Variants in SSR2 observed in about 807,000 individuals in gnomAD.
SSR2 encodes translocon-associated protein subunit beta.
A neutral mutation model predicts 22.6 loss-of-function variants in SSR2; 16 were observed. The observed-to-expected ratio is 0.71, with a 90% CI of 0.48 to 1.08. The LOEUF (loss-of-function observed/expected upper bound fraction) is 1.08, where lower values mean the gene tolerates loss of function less well. SSR2 is among the 50% of genes least tolerant of loss of function. The pLI, the probability that SSR2 is intolerant of heterozygous loss-of-function variation, is 0.00. For synonymous variants in SSR2, 83 were observed against 91.2 expected, an observed-to-expected ratio of 0.91 and a Z score of 0.51; for missense variants, 171 against 221.6, an observed-to-expected ratio of 0.77 and a Z score of 1.45.
At chr1:156,019,453 C>T (rs1439977184) in intron 2 of SSR2, among the ~76,000 whole-genome samples, 23 of 152,158 alleles carry the variant, frequency 1.5e-4, no homozygotes, top group African/African-American at 4.3e-4. Context: ...GCGCAATCTC[C>T]GGCTCACTGC....
intron 3 of SSR2, among the ~76,000 whole-genome samples, chr1:156,017,463 C>T (rs1683074043): frequency 6.6e-6 from 1 of 152,130 alleles, no homozygotes; most frequent in African/African-American, 2.4e-5. Context: ...GATTCTCCTA[C>T]CTCAGCCTCC....
Position 156,020,947 on chromosome 1 carries a change from G to C in SSR2, c.-60C>G, listed in dbSNP as rs1434650565. 1 of 471,340 alleles carries C rather than the reference G, an allele frequency of 2.1e-6. No homozygotes were observed. The highest frequency in any genetic ancestry group is 4.4e-6 in the Non-Finnish European group (1 of 227,052). The allele number at this position is 471,340 out of a possible 1,614,324, so 29.2% of individuals were successfully genotyped here. On this transcript the variant is annotated 5_prime_UTR_variant, in exon 1 of 6. Transcript: ENST00000295702. ...AGACAGGAAGAGAGCGTCAGCATCC[G>C]AAAGACCGGAAATAAGCACTGGCCG... is the stretch of plus-strand genomic sequence containing the variant.
intron 3 of SSR2, among the ~76,000 whole-genome samples, chr1:156,016,468 C>T (rs1320447867): frequency 2.0e-5 from 3 of 151,890 alleles, no homozygotes; most frequent in Admixed American, 6.6e-5. Flanking sequence ...GATCTCCTGA[C>T]CTCGTGATCC....
At position 156,020,072 on chromosome 1, in the gene SSR2, T is replaced by C. The variant is rs1280123152; in HGVS notation, c.96A>G (p.Arg32=). 1 of 1,614,158 alleles carries C rather than the reference T, an allele frequency of 6.2e-7. No individual in the cohort carries two copies. The highest frequency in any genetic ancestry group is 8.5e-7 in the Non-Finnish European group (1 of 1,180,026). ...RLLASKSLLN[R]YAVEGRDLTL... ...TCAGGTCTCGTCCCTCCACGGCGTA[T>C]CTGTTCAGCAGTGATTTGGAAGCCA... is the stretch of plus-strand genomic sequence containing the variant. Residue 32 remains arginine, a synonymous_variant, in exon 2 of 6, where the codon AGA becomes AGG. Transcript: ENST00000295702.
chr1:156,009,636 G>T lies in SSR2; in HGVS notation c.456C>A (p.Ala152=). Residue 152 remains alanine (A), a synonymous_variant, in exon 6 of 6, where the codon GCC becomes GCA. Coordinates refer to ENST00000295702, the MANE Select transcript of SSR2 (RefSeq NM_003145.4). ...TGGAGGGAAGGGTCATGACCCCAAA[G>T]GCTGCCCAGTCCAGCTGTAAAGGAA... ...RFSPHFLDWA[A]FGVMTLPSIG... is the part of the protein sequence containing the mutation. 1.2e-6 allele frequency: 2 copies of T among 1,609,878 alleles called. No homozygotes were observed. Among genetic ancestry groups the T allele is most frequent in the Non-Finnish European group, 1.7e-6 (2 of 1,178,316 alleles).
chr1:156,018,834 G>A (rs996453709), intron 2 of SSR2, among the ~76,000 whole-genome samples: 1 of 151,282 alleles, frequency 6.6e-6, no homozygotes, highest in African/African-American at 2.4e-5. Flanking sequence ...GGCCAACATG[G>A]TGAAACTCCG....
chr1:156,019,091 C>G, intron 2 of SSR2: 1 of 200,368 alleles, frequency 5.0e-6, no homozygotes, highest in South Asian at 7.3e-5. Flanking sequence ...CTGCCTGCTT[C>G]TCCAAAAAAA....
intron 3 of SSR2, 38 bp downstream of exon 3, chr1:156,018,232 G>C (rs1558078293): frequency 1.3e-6 from 2 of 1,538,372 alleles, no homozygotes; most frequent in Admixed American, 3.3e-5. Flanking sequence ...GGCTCTCCCT[G>C]CCCCCCGACC....
chr1:156,017,753 T>TTTG (rs1469215659), intron 3 of SSR2, among the ~76,000 whole-genome samples: 1 of 123,654 alleles, frequency 8.1e-6, no homozygotes, highest in Non-Finnish European at 1.7e-5. Flanking sequence ...TTTTTTTTTT[T>TTTG]TTTTTTTTTT....
chr1:156,018,382 G>T lies in SSR2; in HGVS notation c.156-14C>A, dbSNP rs912244880. 1 of 1,598,334 alleles carries T rather than the reference G, an allele frequency of 6.3e-7. No homozygotes were observed. Among genetic ancestry groups the T allele is most frequent in the Non-Finnish European group, 8.6e-7 (1 of 1,167,794 alleles). On this transcript the variant is annotated splice_polypyrimidine_tract_variant and intron_variant, in intron 2 of 5. Transcript: ENST00000295702. ...TCTAATGCAGCACTAGAAAATGGAT[G>T]AAACAAAAAGGGTTAGTAAGTAATG...
In SSR2 at chr1:156,015,221, C is replaced by A. The variant is rs766265549; in HGVS notation, c.255-152G>T. On this transcript the variant is annotated intron_variant, in intron 3 of 5. Coordinates refer to ENST00000295702, the MANE Select transcript of SSR2 (RefSeq NM_003145.4). ...TGCAGGAATGAAAAAATATAGGCTT[C>A]TTTGCCGGGCATGGTGGCTCACGCC... 63 of 643,596 alleles carry A rather than the reference C, an allele frequency of 9.8e-5. 1 individual carries two copies. The highest frequency in any genetic ancestry group is 1.5e-4 in the Non-Finnish European group (55 of 368,198). The allele number at this position is 643,596 out of a possible 1,614,324, so 39.9% of individuals were successfully genotyped here. A position where few individuals can be genotyped will look rare whatever the true frequency, so the allele number is the denominator to read the frequency against.
chr1:156,017,941 G>C (rs1283141667), intron 3 of SSR2, among the ~76,000 whole-genome samples: 1 of 150,362 alleles, frequency 6.7e-6, no homozygotes, highest in Admixed American at 6.6e-5. Context: ...ATAGAGACAG[G>C]GTTTCACCAT....
intron 2 of SSR2, among the ~76,000 whole-genome samples, chr1:156,019,562 T>C (rs1683114327): frequency 6.6e-6 from 1 of 152,072 alleles, no homozygotes; most frequent in Non-Finnish European, 1.5e-5. Flanking sequence ...TTTTTGTATT[T>C]TTAGTAGTGA....
At position 156,015,101 on chromosome 1, in the gene SSR2, G is replaced by A. The variant is rs1223573765; in HGVS notation, c.255-32C>T. Reference sequence around the variant, plus strand: ...CAAGAGTTAAGGAACGGAAAGAGATGAAGCTAAAGTTGTAGCAGCCTTTCA... The same window carrying A: ...CAAGAGTTAAGGAACGGAAAGAGATAAAGCTAAAGTTGTAGCAGCCTTTCA... On this transcript the variant is annotated intron_variant, in intron 3 of 5. Coordinates refer to ENST00000295702, the MANE Select transcript of SSR2 (RefSeq NM_003145.4). 6.4e-6 allele frequency: 10 copies of A among 1,566,518 alleles called. No individual in the cohort carries two copies. In the South Asian group the frequency reaches 1.1e-4, roughly 18 times the overall value.
intron 4 of SSR2, 110 bp downstream of exon 4, chr1:156,014,851 T>G: frequency 1.1e-6 from 1 of 883,090 alleles, no homozygotes; most frequent in Non-Finnish European, 1.8e-6. Flanking sequence ...CTAACTGTAT[T>G]TTGGTATCTA....
intron 3 of SSR2, among the ~76,000 whole-genome samples, chr1:156,015,537 T>A (rs12064074): frequency 0.043 from 1,318 of 30,534 alleles, 22 homozygotes; most frequent in African/African-American, 0.051. Context: ...AAAAAAAAAA[T>A]ATATATATAT....
chr1:156,012,005 C>A, intron 4 of SSR2, 118 bp from the exon 5 acceptor site: 1 of 692,370 alleles, frequency 1.4e-6, no homozygotes, highest in South Asian at 1.8e-5. Flanking sequence ...TCTTAGTTCC[C>A]AAAGGCTCAG....
chr1:156,010,204 C>G (rs1682960921), intron 5 of SSR2: 1 of 152,128 alleles, frequency 6.6e-6, no homozygotes, highest in Non-Finnish European at 1.5e-5. Flanking sequence ...CAGGGGCGTA[C>G]CACCACACCT....
intron 3 of SSR2, among the ~76,000 whole-genome samples, chr1:156,016,525 C>T (rs969870561): frequency 2.0e-5 from 3 of 152,040 alleles, no homozygotes; most frequent in East Asian, 1.9e-4. Context: ...CGTAAGCCAC[C>T]GCGCCTGGCC....
Sources: gnomAD v4.1 joint callset for allele counts (sites outside exome capture counted in the v4.1 genomes callset) on GRCh38, gnomAD v4.1.1 for gene constraint, MANE v1.5 for transcripts, NCBI Gene and HGNC (gene_info 2026-07-23, HGNC 2026-07-21) for gene names.